FGF14: variants seen among roughly 807,000 people sequenced by gnomAD.
FGF14 encodes the protein fibroblast growth factor homologous factor 4.
In FGF14, 5 loss-of-function variants were observed where a neutral mutation model predicts 25.5. That is an observed-to-expected ratio of 0.20 (90% CI 0.10 to 0.41). The LOEUF is 0.41. Among genes scored for constraint, FGF14 ranks in the 10% least tolerant of loss-of-function variants. The pLI is 1.00. For missense variants in FGF14, 222 were observed against 320.1 expected (o/e 0.69, Z 2.34); for synonymous variants, 138 against 118.3 (o/e 1.17, Z -1.08).
chr13:101,732,135 G>T (rs1198223128), intron 3 of FGF14, among the ~76,000 whole-genome samples: 1 of 152,162 alleles, frequency 6.6e-6, no homozygotes, highest in Non-Finnish European at 1.5e-5. Flanking sequence ...AGCTTCACCA[G>T]TGTTTCATCC....
intron 1 of FGF14, among the ~76,000 whole-genome samples, chr13:101,901,127 T>C (rs1391603536): frequency 6.6e-6 from 1 of 152,132 alleles, no homozygotes; most frequent in Non-Finnish European, 1.5e-5. Context: ...ACATTTATTC[T>C]GTTAGGTTGT....
chr13:102,207,567 T>C (rs9518655), intron 1 of FGF14, among the ~76,000 whole-genome samples: 55,711 of 132,992 alleles, frequency 0.42, 12,305 homozygotes, highest in African/African-American at 0.64. Context: ...AAAATAACAA[T>C]GACATTTTAA....
At chr13:101,912,975 G>C (rs1404453246) in intron 1 of FGF14, among the ~76,000 whole-genome samples, 1 of 150,718 alleles carries the variant, frequency 6.6e-6, no homozygotes, top group South Asian at 2.1e-4. Flanking sequence ...ACAATCAGCT[G>C]AATATGTATA....
chr13:102,147,938 CAT>C (rs2046920679), intron 1 of FGF14, among the ~76,000 whole-genome samples: 1 of 152,168 alleles, frequency 6.6e-6, no homozygotes, highest in Non-Finnish European at 1.5e-5. Context: ...TGCACACACA[CAT>C]AAGTAATAAT....
intron 1 of FGF14, among the ~76,000 whole-genome samples, chr13:102,125,553 CCAT>C (rs2045917358): frequency 6.6e-6 from 1 of 152,092 alleles, no homozygotes; most frequent in African/African-American, 2.4e-5. Context: ...ATGTGTGTCT[CCAT>C]CAACCACTGG....
chr13:102,132,890 G>A (rs1051208576), intron 1 of FGF14, among the ~76,000 whole-genome samples: 1 of 152,176 alleles, frequency 6.6e-6, no homozygotes, highest in African/African-American at 2.4e-5. Context: ...AGTGAGCAAT[G>A]AAACAGTGAG....
At chr13:101,937,383 T>C (rs984525296) in intron 1 of FGF14, among the ~76,000 whole-genome samples, 1 of 152,218 alleles carries the variant, frequency 6.6e-6, no homozygotes, top group East Asian at 1.9e-4. Context: ...GGTCCTACTG[T>C]AATCTGACTG....
chr13:102,022,133 C>A (rs181522522), intron 1 of FGF14, among the ~76,000 whole-genome samples: 111 of 152,176 alleles, frequency 7.3e-4, no homozygotes, highest in Non-Finnish European at 1.3e-3. Context: ...CCCCCACCCC[C>A]CTTACTCAAT....
At chr13:101,814,384 G>A (rs1445176467) in intron 3 of FGF14, among the ~76,000 whole-genome samples, 4 of 152,196 alleles carry the variant, frequency 2.6e-5, no homozygotes, top group East Asian at 1.9e-4. Context: ...TGCAAAAGCA[G>A]TTATGTGACC....
At chr13:102,066,373 T>G (rs1265743907) in intron 1 of FGF14, among the ~76,000 whole-genome samples, 2 of 152,082 alleles carry the variant, frequency 1.3e-5, no homozygotes, top group Non-Finnish European at 2.9e-5. Flanking sequence ...TTGCATCAGG[T>G]TCTTAATTTT....
At chr13:102,172,647 C>T (rs976651083) in intron 1 of FGF14, among the ~76,000 whole-genome samples, 3 of 152,132 alleles carry the variant, frequency 2.0e-5, no homozygotes, top group Admixed American at 6.6e-5. Flanking sequence ...CTCTGTGATG[C>T]CACCATTCTC....
At chr13:102,360,282 T>A (rs1283253946) in intron 1 of FGF14, among the ~76,000 whole-genome samples, 2 of 152,184 alleles carry the variant, frequency 1.3e-5, no homozygotes, top group Admixed American at 6.5e-5. Context: ...AATTTCCAGA[T>A]GATCTTGTTG....
chr13:101,976,537 A>G (rs1203058940), intron 1 of FGF14, among the ~76,000 whole-genome samples: 2 of 152,180 alleles, frequency 1.3e-5, no homozygotes, highest in Non-Finnish European at 2.9e-5. Flanking sequence ...GGTGTATTGT[A>G]CCCAAGTAGT....
At chr13:102,093,633 T>G (rs2044264173) in intron 1 of FGF14, among the ~76,000 whole-genome samples, 1 of 152,202 alleles carries the variant, frequency 6.6e-6, no homozygotes, top group South Asian at 2.1e-4. Flanking sequence ...AGCATAAACC[T>G]TGAATAACAT....
chr13:101,904,637 C>T (rs1434777565), intron 1 of FGF14, among the ~76,000 whole-genome samples: 2 of 152,172 alleles, frequency 1.3e-5, no homozygotes, highest in Non-Finnish European at 1.5e-5. Flanking sequence ...CACAAAGACA[C>T]AAACATTGTA....
chr13:101,786,411 G>T (rs1240399636), intron 3 of FGF14, among the ~76,000 whole-genome samples: 2 of 152,152 alleles, frequency 1.3e-5, no homozygotes, highest in Non-Finnish European at 2.9e-5. Context: ...AGGGGTGGAG[G>T]ACGGGGAGTT....
intron 1 of FGF14, among the ~76,000 whole-genome samples, chr13:102,374,645 TA>T (rs1339680186): frequency 0.1 from 72 of 698 alleles, no homozygotes; most frequent in African/African-American, 0.16. Flanking sequence ...TTACATATTT[TA>T]TATATATATA....
At chr13:101,724,595 AAAATAT>A (rs1167522480) in intron 4 of FGF14, among the ~76,000 whole-genome samples, 16 of 35,168 alleles carry the variant, frequency 4.5e-4, no homozygotes, top group East Asian at 3.3e-3. Context: ...GTATAATAAT[AAAATAT>A]ATATATATAT....
chr13:101,807,805 A>G (rs2041283920), intron 3 of FGF14, among the ~76,000 whole-genome samples: 1 of 152,092 alleles, frequency 6.6e-6, no homozygotes. Context: ...GCCACGTCAA[A>G]GAGATATTTT....
Sources: gnomAD v4.1 joint callset for allele counts (sites outside exome capture counted in the v4.1 genomes callset) on GRCh38, gnomAD v4.1.1 for gene constraint, MANE v1.5 for transcripts, NCBI Gene and HGNC (gene_info 2026-07-23, HGNC 2026-07-21) for gene names.